ARRDC5: variants seen among roughly 807,000 people sequenced by gnomAD.
ARRDC5 encodes the protein arrestin domain-containing protein 5.
In ARRDC5, 12 loss-of-function variants were observed where a neutral mutation model predicts 13.3. The observed-to-expected ratio is 0.90, with a 90% CI of 0.58 to 1.46. ARRDC5 has a LOEUF of 1.46. Among genes scored for constraint, ARRDC5 ranks in the 40% most tolerant of loss-of-function variants. ARRDC5 has a pLI of 0.00. For synonymous variants in ARRDC5, 181 were observed against 173.4 expected, an observed-to-expected ratio of 1.04 and a Z score of -0.34; for missense variants, 406 against 418.7, an observed-to-expected ratio of 0.97 and a Z score of 0.26.
chr19:4,895,156 T>C (rs2031666571), intron 2 of ARRDC5, among the ~76,000 whole-genome samples: 1 of 151,708 alleles, frequency 6.6e-6, no homozygotes, highest in Non-Finnish European at 1.5e-5. Context: ...GAGCGGTGGC[T>C]AACGCCTGTA....
rs1216703713 is a variant in ARRDC5, at chr19:4,891,286, G to A, written c.747C>T (p.Asn249=). 14 of 1,613,844 alleles carry A rather than the reference G, an allele frequency of 8.7e-6. No individual in the cohort carries two copies. In the East Asian group the frequency reaches 2.2e-4, roughly 26 times the overall value. ...QEANTPVTRF[N]TTKVVSTFNL... is the part of the protein sequence containing the mutation. ...TGAAGGTGCTGACAACCTTGGTGGT[G>A]TTGAAGCGGGTCACGGGGGTGTTGG... Residue 249 remains asparagine (N), a synonymous_variant, in exon 3 of 3, where the codon AAC becomes AAT. Transcript: ENST00000650722.
the ARRDC5 span, among the ~76,000 whole-genome samples, chr19:4,915,817 A>T: frequency 7.8e-3 from 1,186 of 152,272 alleles, 9 homozygotes; most frequent in Middle Eastern, 0.041. Flanking sequence ...ATCCAGCCTC[A>T]GTTGGTGTGT....
At chr19:4,896,348 ATTTT>A (rs1225628606) in intron 2 of ARRDC5, among the ~76,000 whole-genome samples, 3,924 of 59,288 alleles carry the variant, frequency 0.066, 210 homozygotes, top group Non-Finnish European at 0.093. Flanking sequence ...ATATATATAT[ATTTT>A]TTTTTTTTTA....
chr19:4,893,177 A>AAT, intron 2 of ARRDC5, among the ~76,000 whole-genome samples: 1 of 141,602 alleles, frequency 7.1e-6, no homozygotes, highest in Non-Finnish European at 1.5e-5. Flanking sequence ...TATTATATAT[A>AAT]ATATATTATA....
intron 1 of ARRDC5, among the ~76,000 whole-genome samples, chr19:4,898,351 C>A (rs2031801330): frequency 6.6e-6 from 1 of 152,016 alleles, no homozygotes; most frequent in African/African-American, 2.4e-5. Context: ...ACTAGGGACC[C>A]TGTCTCTTTC....
At chr19:4,906,844 T>G (rs1319010032), upstream of ARRDC5, among the ~76,000 whole-genome samples, 1 of 152,238 alleles carries the variant, frequency 6.6e-6, no homozygotes, top group Admixed American at 6.6e-5. Context: ...GATGATGTGT[T>G]CTGATAGAAA....
the ARRDC5 span, among the ~76,000 whole-genome samples, chr19:4,915,963 A>G: frequency 6.6e-6 from 1 of 152,152 alleles, no homozygotes; most frequent in African/African-American, 2.4e-5. Context: ...AGAATGATCC[A>G]ATAGCCCCAG....
At chr19:4,914,341 C>T in the ARRDC5 span, among the ~76,000 whole-genome samples, 2 of 152,164 alleles carry the variant, frequency 1.3e-5, no homozygotes, top group African/African-American at 4.8e-5. Flanking sequence ...CAACACAGTT[C>T]CCGGTGGGCA....
At chr19:4,911,189 C>G in the ARRDC5 span, among the ~76,000 whole-genome samples, 1 of 149,732 alleles carries the variant, frequency 6.7e-6, no homozygotes, top group Non-Finnish European at 1.5e-5. Flanking sequence ...TCCACAGAAA[C>G]CTCAAATGCC....
At position 4,893,025 on chromosome 19, in the gene ARRDC5, T is replaced by A. The variant is rs776153811; in HGVS notation, c.460-1452A>T. On this transcript the variant is annotated intron_variant, in intron 2 of 2. Coordinates refer to ENST00000650722, the MANE Select transcript of ARRDC5 (RefSeq NM_001080523.3). Reference sequence around the variant, plus strand: ...GGCTGAGGCGGGAGAATTGCTGGAATCTGGGAGGTGGAGGTTGAAGTTAGC... The same window carrying A: ...GGCTGAGGCGGGAGAATTGCTGGAAACTGGGAGGTGGAGGTTGAAGTTAGC... Among the ~76,000 whole-genome samples the A allele has an allele frequency of 1.8e-4, 26 of 144,472 alleles. 1 individual carries two copies. The highest frequency in any genetic ancestry group is 4.3e-4 in the Admixed American group (6 of 13,802). 94.8% of individuals were successfully genotyped at this position (144,472 alleles called of 152,430 possible).
chr19:4,908,199 G>A, the ARRDC5 span, among the ~76,000 whole-genome samples: 1 of 152,168 alleles, frequency 6.6e-6, no homozygotes, highest in Non-Finnish European at 1.5e-5. Context: ...CCTTTTAGCT[G>A]TGTAAGGCAC....
chr19:4,911,930 T>G, the ARRDC5 span, among the ~76,000 whole-genome samples: 31 of 152,054 alleles, frequency 2.0e-4, no homozygotes, highest in Admixed American at 2.0e-3. Flanking sequence ...CCCCACTGTG[T>G]TGTTGTTGGA....
chr19:4,916,808 A>C, the ARRDC5 span, among the ~76,000 whole-genome samples: 3 of 152,236 alleles, frequency 2.0e-5, no homozygotes, highest in African/African-American at 7.2e-5. Context: ...TCAGGAAGGC[A>C]GAGCAGTTTC....
intron 1 of ARRDC5, among the ~76,000 whole-genome samples, chr19:4,897,976 A>G (rs1348625126): frequency 6.6e-6 from 1 of 152,154 alleles, no homozygotes; most frequent in Admixed American, 6.6e-5. Flanking sequence ...AGTTCCAGGT[A>G]CTCAGGAGGC....
At chr19:4,915,676 C>G in the ARRDC5 span, among the ~76,000 whole-genome samples, 1 of 152,084 alleles carries the variant, frequency 6.6e-6, no homozygotes, top group Non-Finnish European at 1.5e-5. Flanking sequence ...CACCACTGCA[C>G]TCCAGCCTGG....
the ARRDC5 span, among the ~76,000 whole-genome samples, chr19:4,912,934 A>G: frequency 6.6e-6 from 1 of 151,680 alleles, no homozygotes; most frequent in African/African-American, 2.4e-5. Flanking sequence ...TAGTTTTTGT[A>G]TCTTTTGTAG....
chr19:4,909,167 CG>C, the ARRDC5 span: 2 of 360,354 alleles, frequency 5.6e-6, no homozygotes, highest in Middle Eastern at 7.7e-4. Context: ...TCAATGCGTG[CG>C]AGTGGGGGGC....
At chr19:4,891,970 T>C (rs934689965) in intron 2 of ARRDC5, among the ~76,000 whole-genome samples, 50 of 125,192 alleles carry the variant, frequency 4.0e-4, no homozygotes, top group Middle Eastern at 8.0e-3. Context: ...AAAAAAAAAG[T>C]CTCTGGGGCT....
chr19:4,909,692 C>A, the ARRDC5 span: 35 of 509,200 alleles, frequency 6.9e-5, no homozygotes, highest in Non-Finnish European at 1.1e-4. Flanking sequence ...CCAGCCCGGG[C>A]CGGGCGCACG....
Sources: gnomAD v4.1 joint callset for allele counts (sites outside exome capture counted in the v4.1 genomes callset) on GRCh38, gnomAD v4.1.1 for gene constraint, MANE v1.5 for transcripts, NCBI Gene and HGNC (gene_info 2026-07-23, HGNC 2026-07-21) for gene names.